CLEC16A: variants seen among roughly 807,000 people sequenced by gnomAD.
The protein encoded by CLEC16A is protein CLEC16A.
In CLEC16A, 51 loss-of-function variants were observed where a neutral mutation model predicts 109.5. That is an observed-to-expected ratio of 0.47 (90% confidence interval 0.37 to 0.59). The LOEUF is 0.59. CLEC16A is among the 20% of genes least tolerant of loss of function. The pLI is 0.00. For missense variants in CLEC16A, 1,339 were observed against 1,394.0 expected (o/e 0.96, Z 0.63); for synonymous variants, 673 against 564.2 (o/e 1.19, Z -2.73).
intron 2 of CLEC16A, 26 bp from the exon 3 acceptor site, chr16:10,962,429 C>G (rs2042294808): frequency 1.9e-6 from 3 of 1,613,828 alleles, no homozygotes; most frequent in Non-Finnish European, 2.5e-6. Flanking sequence ...AAGCAAGCCA[C>G]TGATGCTTTT....
At chr16:11,084,145 G>C (rs1436178499) in intron 19 of CLEC16A, among the ~76,000 whole-genome samples, 1 of 151,766 alleles carries the variant, frequency 6.6e-6, no homozygotes, top group African/African-American at 2.4e-5. Flanking sequence ...TTCAGCTCTG[G>C]GCCTTCATAC....
chr16:11,160,037 T>G (rs1398909466), intron 22 of CLEC16A, among the ~76,000 whole-genome samples: 1 of 152,120 alleles, frequency 6.6e-6, no homozygotes, highest in Non-Finnish European at 1.5e-5. Flanking sequence ...GCCAACTGGG[T>G]TCCTTCCCTT....
intron 10 of CLEC16A, among the ~76,000 whole-genome samples, chr16:11,002,827 A>T (rs1054050947): frequency 2.0e-5 from 3 of 152,170 alleles, no homozygotes; most frequent in African/African-American, 7.2e-5. Flanking sequence ...AGTGCTGAAT[A>T]CTATGCCATC....
chr16:10,962,372 T>C (rs1461007800), intron 2 of CLEC16A, 83 bp from the exon 3 acceptor site: 12 of 1,554,202 alleles, frequency 7.7e-6, no homozygotes, highest in Non-Finnish European at 1.1e-5. Flanking sequence ...AATCTAATAC[T>C]TGTGTTGTGA....
At chr16:10,967,250 G>T (rs113309684) in intron 3 of CLEC16A, among the ~76,000 whole-genome samples, 1,555 of 152,214 alleles carry the variant, frequency 0.01, 21 homozygotes, top group African/African-American at 0.036. Flanking sequence ...ATTCCTCTTT[G>T]TGGTGTTTTT....
chr16:10,962,113 A>AT (rs1003166760), intron 2 of CLEC16A, among the ~76,000 whole-genome samples: 7 of 149,208 alleles, frequency 4.7e-5, no homozygotes, highest in East Asian at 2.0e-4. Context: ...CCACCGCCTA[A>AT]TTTTTTTTTT....
chr16:11,018,515 C>T (rs1162179136), intron 11 of CLEC16A, among the ~76,000 whole-genome samples: 1 of 151,730 alleles, frequency 6.6e-6, no homozygotes, highest in Admixed American at 6.6e-5. Context: ...TTTGGGAGGC[C>T]GAGACAGGCA....
At chr16:11,053,221 A>C (rs974631023) in intron 18 of CLEC16A, among the ~76,000 whole-genome samples, 2 of 152,182 alleles carry the variant, frequency 1.3e-5, no homozygotes, top group African/African-American at 4.8e-5. Flanking sequence ...TTCACAGTTC[A>C]TCAGGGTTTT....
At chr16:11,032,418 G>T (rs2046795764) in intron 13 of CLEC16A, among the ~76,000 whole-genome samples, 1 of 152,192 alleles carries the variant, frequency 6.6e-6, no homozygotes, top group African/African-American at 2.4e-5. Flanking sequence ...CGGGTGGGAG[G>T]GATGAGAGGT....
intron 19 of CLEC16A, among the ~76,000 whole-genome samples, chr16:11,079,121 T>G (rs993052700): frequency 2.0e-5 from 3 of 152,208 alleles, no homozygotes; most frequent in Non-Finnish European, 4.4e-5. Context: ...GAACCCATTC[T>G]GTGCTTGGCC....
intron 22 of CLEC16A, among the ~76,000 whole-genome samples, chr16:11,152,780 A>G (rs945159394): frequency 2.6e-5 from 4 of 152,198 alleles, no homozygotes; most frequent in African/African-American, 7.2e-5. Flanking sequence ...TGGTGACGGC[A>G]TCTTTCCTCC....
intron 22 of CLEC16A, among the ~76,000 whole-genome samples, chr16:11,158,073 C>A (rs911240868): frequency 1.3e-5 from 2 of 152,176 alleles, no homozygotes; most frequent in Non-Finnish European, 2.9e-5. Flanking sequence ...ACCTGGCAGG[C>A]TGCACTGGGA....
intron 19 of CLEC16A, among the ~76,000 whole-genome samples, chr16:11,089,155 G>C (rs182215593): frequency 6.6e-6 from 1 of 152,346 alleles, no homozygotes; most frequent in Non-Finnish European, 1.5e-5. Context: ...CTCCAGCCCA[G>C]CCACAGGCCT....
intron 13 of CLEC16A, among the ~76,000 whole-genome samples, chr16:11,026,309 G>A (rs995041997): frequency 1.3e-5 from 2 of 152,146 alleles, no homozygotes; most frequent in African/African-American, 4.8e-5. Flanking sequence ...TTTGGTGGAA[G>A]GTTTTTAACC....
At chr16:11,054,716 C>T (rs943365366) in intron 18 of CLEC16A, among the ~76,000 whole-genome samples, 7 of 152,200 alleles carry the variant, frequency 4.6e-5, no homozygotes, top group Non-Finnish European at 8.8e-5. Context: ...CATCTCACTA[C>T]GGTTCCTGTT....
At chr16:11,000,628 C>T (rs956864351) in intron 10 of CLEC16A, among the ~76,000 whole-genome samples, 1 of 152,106 alleles carries the variant, frequency 6.6e-6, no homozygotes, top group Non-Finnish European at 1.5e-5. Context: ...TCAGAACGCT[C>T]CCATCTGGGG....
chr16:10,995,983 C>T (rs1183634503), intron 10 of CLEC16A, among the ~76,000 whole-genome samples: 2 of 152,110 alleles, frequency 1.3e-5, no homozygotes, highest in East Asian at 1.9e-4. Context: ...AATCTCAGGC[C>T]CTGGAATCTC....
chr16:11,067,509 C>A (rs953404275), intron 19 of CLEC16A, among the ~76,000 whole-genome samples: 4 of 151,998 alleles, frequency 2.6e-5, no homozygotes, highest in Admixed American at 2.0e-4. Context: ...AGTGTGGCCA[C>A]AGAGTCGGGG....
At chr16:11,138,518 G>A (rs999875356) in intron 22 of CLEC16A, among the ~76,000 whole-genome samples, 3 of 152,204 alleles carry the variant, frequency 2.0e-5, no homozygotes, top group Non-Finnish European at 2.9e-5. Flanking sequence ...AGAGGAGAAG[G>A]GTGGAGTGGG....
Sources: gnomAD v4.1 joint callset for allele counts (sites outside exome capture counted in the v4.1 genomes callset) on GRCh38, gnomAD v4.1.1 for gene constraint, MANE v1.5 for transcripts, NCBI Gene and HGNC (gene_info 2026-07-23, HGNC 2026-07-21) for gene names.